Variants in DNAH7 observed in about 807,000 individuals in gnomAD.
DNAH7 encodes the protein dynein axonemal heavy chain 7, also known as axonemal beta dynein heavy chain 7.
Under a neutral mutation model 444.6 loss-of-function variants are expected in DNAH7, and 397 were observed. That is an observed-to-expected ratio of 0.89 (90% CI 0.82 to 0.97). The LOEUF is 0.97. Among genes scored for constraint, DNAH7 ranks in the 50% least tolerant of loss-of-function variants. DNAH7 has a pLI of 0.00. For synonymous variants in DNAH7, 1,636 were observed against 1,624.4 expected, an observed-to-expected ratio of 1.01 and a Z score of -0.17; for missense variants, 4,902 against 4,800.8, an observed-to-expected ratio of 1.02 and a Z score of -0.62.
Position 195,777,978 on chromosome 2 carries a change from G to A in DNAH7, c.10886C>T (p.Pro3629Leu), listed in dbSNP as rs749684293. The A allele has an allele frequency of 1.2e-4, 188 of 1,608,770 alleles. 2 individuals are homozygous for A. In the South Asian group the frequency reaches 1.8e-3, roughly 16 times the overall value. ...HMFLNQYEEL[P>L]YEALRYMTGE... ...AGTCATGTACCGCAGAGCCTCATAC[G>A]GCAGTTCCTAAAATAGTGCGTGTCA... is the stretch of plus-strand genomic sequence containing the variant. The change falls in exon 59 of 65, where the codon CCG becomes CTG. Residue 3629 changes from proline (P) to leucine (L), a missense_variant. Coordinates refer to ENST00000312428, the MANE Select transcript of DNAH7 (RefSeq NM_018897.3).
chr2:195,876,737 T>A (rs773757920), intron 36 of DNAH7, 38 bp from the exon 37 acceptor site: 2 of 1,421,496 alleles, frequency 1.4e-6, no homozygotes, highest in Non-Finnish European at 1.9e-6. Context: ...ATAGTTGGAA[T>A]TATGTTTTGA....
At chr2:195,759,063 G>A (rs990753397) in intron 61 of DNAH7, among the ~76,000 whole-genome samples, 11 of 152,334 alleles carry the variant, frequency 7.2e-5, no homozygotes, top group East Asian at 5.8e-4. Flanking sequence ...TGCCAGGGTG[G>A]TTAATAGAGT....
chr2:196,025,120 A>G (rs1012812670), intron 7 of DNAH7, among the ~76,000 whole-genome samples: 1 of 152,230 alleles, frequency 6.6e-6, no homozygotes, highest in African/African-American at 2.4e-5. Flanking sequence ...GCCATTTTAT[A>G]TCAGAGACTT....
intron 36 of DNAH7, among the ~76,000 whole-genome samples, chr2:195,878,314 A>C (rs557849095): frequency 6.6e-6 from 1 of 152,292 alleles, no homozygotes; most frequent in South Asian, 2.1e-4. Flanking sequence ...ATGAAACAGG[A>C]GTGAAATAAA....
chr2:195,769,404 C>CA (rs1366931499), intron 61 of DNAH7, among the ~76,000 whole-genome samples: 1 of 151,722 alleles, frequency 6.6e-6, no homozygotes, highest in Admixed American at 6.6e-5. Flanking sequence ...GTTGGCATCT[C>CA]ATTAACCCCT....
intron 36 of DNAH7, among the ~76,000 whole-genome samples, chr2:195,879,220 CAAAT>C (rs1559176617): frequency 6.6e-6 from 1 of 151,876 alleles, no homozygotes; most frequent in East Asian, 1.9e-4. Flanking sequence ...CAGATTAACA[CAAAT>C]AAAAAATGCA....
chr2:195,906,453 CT>C (rs397870111), intron 27 of DNAH7, among the ~76,000 whole-genome samples: 8,540 of 114,652 alleles, frequency 0.074, 448 homozygotes, highest in African/African-American at 0.16. Flanking sequence ...TTCTTTCTTT[CT>C]TTTTTTTTTT....
At chr2:195,738,345 T>G (rs1692779678) in intron 64 of DNAH7, among the ~76,000 whole-genome samples, 1 of 152,174 alleles carries the variant, frequency 6.6e-6, no homozygotes, top group South Asian at 2.1e-4. Flanking sequence ...TAAAAGCATA[T>G]TTTCTACCTA....
intron 19 of DNAH7, among the ~76,000 whole-genome samples, chr2:195,944,379 T>C (rs1689661538): frequency 1.3e-5 from 2 of 152,144 alleles, no homozygotes; most frequent in Admixed American, 1.3e-4. Flanking sequence ...CACAGCTCCT[T>C]GACTAGCATC....
rs112741147 is a variant in DNAH7, at chr2:195,756,536, C to T, written c.11434-251G>A. ...CCATTTTTTGTTTTATTTTTTGAGACGGGATCCTTCTCTATTGCCCAGGCT... is the reference window on the plus strand; with the variant it reads ...CCATTTTTTGTTTTATTTTTTGAGATGGGATCCTTCTCTATTGCCCAGGCT... On this transcript the variant is annotated intron_variant, in intron 61 of 64. Transcript: ENST00000312428. Among the ~76,000 whole-genome samples, 358 of 151,786 alleles carry T rather than the reference C, an allele frequency of 2.4e-3. 1 individual carries two copies. The highest frequency in any genetic ancestry group is 7.9e-3 in the African/African-American group (327 of 41,422).
intron 35 of DNAH7, among the ~76,000 whole-genome samples, chr2:195,883,453 C>T (rs1176583018): frequency 7.4e-6 from 1 of 135,250 alleles, no homozygotes; most frequent in African/African-American, 3.2e-5. Context: ...GTCCCCGCTC[C>T]CCCCCCCCAA....
At chr2:195,987,364 A>T (rs112435203) in intron 13 of DNAH7, among the ~76,000 whole-genome samples, 171 bp from the exon 14 acceptor site, 2 of 152,154 alleles carry the variant, frequency 1.3e-5, no homozygotes, top group African/African-American at 4.8e-5. Context: ...GTATTATACA[A>T]CTATCTTCTG....
intron 27 of DNAH7, chr2:195,905,628 T>G (rs527622170): frequency 1.3e-5 from 2 of 152,332 alleles, no homozygotes; most frequent in East Asian, 3.9e-4. Context: ...CATTGCTGTC[T>G]GTATATGTGC....
chr2:195,839,295 C>CA (rs1372543702), intron 47 of DNAH7, among the ~76,000 whole-genome samples: 1 of 150,448 alleles, frequency 6.6e-6, no homozygotes, highest in Non-Finnish European at 1.5e-5. Context: ...GAGGAAATTT[C>CA]AAAAAAAATT....
intron 12 of DNAH7, chr2:195,995,422 T>G (rs1228783589): frequency 4.4e-6 from 2 of 456,714 alleles, no homozygotes; most frequent in Non-Finnish European, 8.7e-6. Flanking sequence ...AGGGAGATTT[T>G]TGGAGTTTTA....
At position 195,866,344 on chromosome 2, in the gene DNAH7, C is replaced by CT. The variant is rs796419472; in HGVS notation, c.6634-1324dup. 1.4e-3 allele frequency among the ~76,000 whole-genome samples: 210 copies of CT among 145,182 alleles called. 1 individual carries two copies. The highest frequency in any genetic ancestry group is 0.011 in the South Asian group (51 of 4,536). On this transcript the variant is annotated intron_variant, in intron 40 of 64. Coordinates refer to ENST00000312428, the MANE Select transcript of DNAH7 (RefSeq NM_018897.3). ...AAATTGATGATTTCATAGTGTTATC[C>CT]TTTTTTTTTTTCACTAATAGTGTCT...
rs142535112 is a variant in DNAH7 at position 195,965,133 on chromosome 2, G to A, written c.2206-4188C>T. Among the ~76,000 whole-genome samples the A allele has an allele frequency of 7.6e-4, 116 of 152,148 alleles. 2 individuals carry two copies. In the East Asian group the frequency reaches 0.021, roughly 27 times the overall value. On this transcript the variant is annotated intron_variant, in intron 17 of 64. Coordinates refer to ENST00000312428, the MANE Select transcript of DNAH7 (RefSeq NM_018897.3). ...CTTTTATGGCTTTTATTATGTTGAG[G>A]TATGTTCCTTCAATAGCCAGTTTTA...
In DNAH7 at chr2:195,960,604, C is replaced by A. The variant is rs1691025410; in HGVS notation, c.2547G>T (p.Leu849Phe). 6.2e-7 allele frequency: 1 copy of A among 1,614,068 alleles called. No homozygotes were observed. The highest frequency in any genetic ancestry group is 1.7e-5 in the Admixed American group (1 of 59,996). ...ACATGGCCTCCCAGTGCCTGGGGCG[C>A]AAACCAGGATTACAGATCACTTGAA... ...PLIQVICNPGLRPRHWEAMSA... is the reference protein window; with the variant it reads ...PLIQVICNPGFRPRHWEAMSA... The change falls in exon 18 of 65, where the codon TTG becomes TTT. Residue 849 changes from leucine to phenylalanine, a missense_variant. Physicochemically the swap from Leu to Phe is conservative, Grantham distance 22 (BLOSUM62 0). Coordinates refer to ENST00000312428, the MANE Select transcript of DNAH7 (RefSeq NM_018897.3).
chr2:195,843,661 A>C (rs1698814708), intron 47 of DNAH7, among the ~76,000 whole-genome samples: 1 of 152,196 alleles, frequency 6.6e-6, no homozygotes, highest in East Asian at 1.9e-4. Flanking sequence ...ATCTTGTTTT[A>C]TACTATAATC....
Sources: gnomAD v4.1 joint callset for allele counts (sites outside exome capture counted in the v4.1 genomes callset) on GRCh38, gnomAD v4.1.1 for gene constraint, MANE v1.5 for transcripts, NCBI Gene and HGNC (gene_info 2026-07-23, HGNC 2026-07-21) for gene names.